The following SYNPR variants were observed in gnomAD, a reference collection of about 807,000 sequenced individuals.
SYNPR encodes synaptoporin.
Under a neutral mutation model 32.9 loss-of-function variants are expected in SYNPR, and 23 were observed. The observed-to-expected ratio is 0.70, with a 90% CI of 0.50 to 0.99. SYNPR has a LOEUF of 0.99. Among genes scored for constraint, SYNPR ranks in the 50% least tolerant of loss-of-function variants. SYNPR has a pLI of 0.00. For missense variants in SYNPR, 318 were observed against 349.3 expected (o/e 0.91, Z 0.71); for synonymous variants, 146 against 135.9 (o/e 1.07, Z -0.52).
In SYNPR at chr3:63,448,698, C is replaced by A. The variant is rs1029031375; in HGVS notation, c.85-32134C>A. Among the ~76,000 whole-genome samples, 5 of 152,084 alleles carry A rather than the reference C, an allele frequency of 3.3e-5. No homozygotes were observed. In the East Asian group the frequency reaches 9.7e-4, roughly 29 times the overall value. On this transcript the variant is annotated intron_variant, in intron 2 of 5. Transcript: ENST00000478300. ...TTTATTTAATAAATATTTAAGGATG[C>A]CTACCATGTGCCAGGCACCATGCTA...
chr3:63,472,665 G>T (rs911934736), intron 2 of SYNPR, among the ~76,000 whole-genome samples: 1 of 152,072 alleles, frequency 6.6e-6, no homozygotes, highest in Non-Finnish European at 1.5e-5. Context: ...GGTCCTGTTG[G>T]CAAAGGATTT....
At chr3:63,512,842 G>T (rs778365702) in intron 3 of SYNPR, among the ~76,000 whole-genome samples, 1 of 152,108 alleles carries the variant, frequency 6.6e-6, no homozygotes, top group African/African-American at 2.4e-5. Context: ...GTGCTAATTT[G>T]TTCAAGCAGC....
intron 2 of SYNPR, among the ~76,000 whole-genome samples, chr3:63,389,371 C>G (rs2088100578): frequency 6.6e-6 from 1 of 152,184 alleles, no homozygotes; most frequent in African/African-American, 2.4e-5. Context: ...ATGATGTTGT[C>G]ACATTGGCTT....
intron 4 of SYNPR, among the ~76,000 whole-genome samples, chr3:63,570,599 C>T (rs1401553270): frequency 6.6e-6 from 1 of 152,162 alleles, no homozygotes; most frequent in African/African-American, 2.4e-5. Flanking sequence ...TTCAACTCAT[C>T]TTCAAAGACC....
rs139005726 is a variant in SYNPR at position 63,326,209 on chromosome 3, G to A, written c.84+47467G>A. 3.6e-3 allele frequency among the ~76,000 whole-genome samples: 546 copies of A among 152,160 alleles called. 2 individuals carry two copies. The highest frequency in any genetic ancestry group is 0.012 in the African/African-American group (516 of 41,528). On this transcript the variant is annotated intron_variant, in intron 2 of 5. Transcript: ENST00000478300. ...TTATTGATGAGAAAAATGAGGCTTAGAAAAGTTAAGGGACATGTTAAAGAT... is the reference window on the plus strand; with the variant it reads ...TTATTGATGAGAAAAATGAGGCTTAAAAAAGTTAAGGGACATGTTAAAGAT...
chr3:63,558,337 T>C, intron 4 of SYNPR, among the ~76,000 whole-genome samples: 1 of 152,338 alleles, frequency 6.6e-6, no homozygotes, highest in African/African-American at 2.4e-5. Flanking sequence ...ATAAAATTTT[T>C]ACTTTTTGTT....
intron 3 of SYNPR, among the ~76,000 whole-genome samples, chr3:63,507,340 CTTTT>C (rs1701609072): frequency 6.6e-6 from 1 of 151,274 alleles, no homozygotes; most frequent in African/African-American, 2.4e-5. Context: ...CTTCTGTAGT[CTTTT>C]TGTCACAAGT....
intron 2 of SYNPR, among the ~76,000 whole-genome samples, chr3:63,288,801 A>T (rs9815830): frequency 0.46 from 70,588 of 152,084 alleles, 16,575 homozygotes; most frequent in Middle Eastern, 0.52. Flanking sequence ...CTCATGGAAG[A>T]GTCATTGGAT....
chr3:63,479,446 G>GCGCACACACACACA (rs6147854), intron 2 of SYNPR, among the ~76,000 whole-genome samples: 1 of 135,742 alleles, frequency 7.4e-6, no homozygotes, highest in African/African-American at 3.0e-5. Flanking sequence ...CCACACACAT[G>GCGCACACACACACA]CACACACACA....
intron 2 of SYNPR, among the ~76,000 whole-genome samples, chr3:63,317,292 C>A (rs549931064): frequency 7.9e-4 from 120 of 151,394 alleles, no homozygotes; most frequent in Non-Finnish European, 3.0e-4. Context: ...TCTTTGTTGA[C>A]TTTCCATTTT....
intron 1 of SYNPR, among the ~76,000 whole-genome samples, chr3:63,233,321 T>C (rs1560163739): frequency 6.6e-6 from 1 of 152,210 alleles, no homozygotes; most frequent in Non-Finnish European, 1.5e-5. Context: ...AAATTCAAAT[T>C]CTCTTTTCTT....
chr3:63,275,113 A>G (rs369860975), upstream of SYNPR, among the ~76,000 whole-genome samples: 156 of 152,332 alleles, frequency 1.0e-3, no homozygotes, highest in Middle Eastern at 3.4e-3. Flanking sequence ...ATCATGATAG[A>G]TTCATCATAG....
intron 4 of SYNPR, among the ~76,000 whole-genome samples, chr3:63,588,703 T>A (rs144604693): frequency 1.3e-5 from 2 of 152,214 alleles, no homozygotes; most frequent in Admixed American, 1.3e-4. Context: ...ACATAGTAAT[T>A]CATTTAGAAA....
chr3:63,427,919 A>T (rs1699921140), intron 2 of SYNPR, among the ~76,000 whole-genome samples: 1 of 152,246 alleles, frequency 6.6e-6, no homozygotes. Flanking sequence ...CTGTGGCAGA[A>T]TAATGATTCC....
At chr3:63,490,072 C>T (rs1419441209) in intron 3 of SYNPR, among the ~76,000 whole-genome samples, 1 of 152,158 alleles carries the variant, frequency 6.6e-6, no homozygotes, top group Non-Finnish European at 1.5e-5. Context: ...TATTTTAGAT[C>T]AGCTGGTTGG....
the SYNPR span, among the ~76,000 whole-genome samples, chr3:63,201,238 G>A: frequency 2.5e-3 from 385 of 152,220 alleles, 6 homozygotes; most frequent in African/African-American, 8.7e-3. Flanking sequence ...GGGCCATGTT[G>A]CATGAACATT....
intron 3 of SYNPR, among the ~76,000 whole-genome samples, chr3:63,543,291 T>A (rs1010356094): frequency 3.3e-5 from 5 of 152,108 alleles, no homozygotes; most frequent in Admixed American, 1.3e-4. Context: ...TGATTTGGAG[T>A]TGTCAGAAGC....
intron 3 of SYNPR, among the ~76,000 whole-genome samples, chr3:63,522,448 T>G (rs985397236): frequency 1.3e-5 from 2 of 152,234 alleles, no homozygotes; most frequent in Non-Finnish European, 2.9e-5. Context: ...CAAACTTCCT[T>G]AAGGGGATTA....
At chr3:63,380,919 A>G (rs895164355) in intron 2 of SYNPR, among the ~76,000 whole-genome samples, 97 of 152,274 alleles carry the variant, frequency 6.4e-4, no homozygotes, top group Non-Finnish European at 1.3e-3. Context: ...AATAAGAGCT[A>G]TCTATGACAA....
Sources: allele counts gnomAD v4.1 joint callset (sites outside exome capture counted in the v4.1 genomes callset), GRCh38; gene constraint gnomAD v4.1.1; transcripts MANE v1.5; gene names NCBI Gene and HGNC (gene_info 2026-07-23, HGNC 2026-07-21).